CASS4: variants seen among roughly 807,000 people sequenced by gnomAD.
The protein encoded by CASS4 is cas scaffolding protein family member 4.
A neutral mutation model predicts 54.2 loss-of-function variants in CASS4; 22 were observed. That is an observed-to-expected ratio of 0.41 (90% CI 0.29 to 0.58). CASS4 has a LOEUF of 0.58. Ranked by LOEUF, CASS4 falls within the 20% of genes least tolerant of loss-of-function variation. The pLI, the probability that CASS4 is intolerant of heterozygous loss-of-function variation, is 0.36. For synonymous variants in CASS4, 409 were observed against 391.5 expected (o/e 1.04, Z -0.53); for missense variants, 854 against 986.7 (o/e 0.87, Z 1.80).
chr20:56,447,813 A>G (rs1315454610), intron 3 of CASS4, among the ~76,000 whole-genome samples: 1 of 152,082 alleles, frequency 6.6e-6, no homozygotes, highest in Non-Finnish European at 1.5e-5. Context: ...TTGCCATGAT[A>G]GACTCCAGGA....
At chr20:56,446,503 T>G (rs1377435958) in intron 3 of CASS4, among the ~76,000 whole-genome samples, 1 of 152,238 alleles carries the variant, frequency 6.6e-6, no homozygotes. Flanking sequence ...TCACTGATTA[T>G]CTTAACATTG....
At chr20:56,456,376 T>A (rs1981296521) in intron 5 of CASS4, among the ~76,000 whole-genome samples, 1 of 93,374 alleles carries the variant, frequency 1.1e-5, no homozygotes. Context: ...ATTTCTAAAC[T>A]CTTCTTTTTT....
At chr20:56,424,309 C>T (rs1979540563) in intron 1 of CASS4, among the ~76,000 whole-genome samples, 1 of 152,202 alleles carries the variant, frequency 6.6e-6, no homozygotes, top group Non-Finnish European at 1.5e-5. Flanking sequence ...CCTGCAAATT[C>T]TTAAAGCAAG....
In CASS4 at chr20:56,452,539, G is replaced by A. The variant is rs1268203172; in HGVS notation, c.1363G>A (p.Val455Ile). The change falls in exon 5 of 6, where the codon GTC becomes ATC. Residue 455 changes from valine to isoleucine, a missense_variant. Val to Ile is a conservative substitution (Grantham distance 29). Coordinates refer to ENST00000679887, the MANE Select transcript of CASS4 (RefSeq NM_020356.4). ...TCTGCAGCACAAGGTGGTCAGCTCT[G>A]TCGCTGGCCTGATGCTCTTTGTCAG... ...MALQHKVVSSVAGLMLFVSRK... is the reference protein window; with the variant it reads ...MALQHKVVSSIAGLMLFVSRK... The A allele has an allele frequency of 1.2e-5, 19 of 1,614,050 alleles. 1 individual carries two copies. The highest frequency in any genetic ancestry group is 1.6e-4 in the Middle Eastern group (1 of 6,084).
rs1469269129 is a variant in CASS4 at position 56,437,980 on chromosome 20, A to G, written c.459+394A>G. Among the ~76,000 whole-genome samples the G allele has an allele frequency of 6.6e-6, 1 of 152,146 alleles. No individual in the cohort carries two copies. Among genetic ancestry groups the G allele is most frequent in the East Asian group, 1.9e-4 (1 of 5,184 alleles). On this transcript the variant is annotated intron_variant, in intron 2 of 5. Transcript: ENST00000679887. The surrounding 1 kb of genome is among the most constrained non-coding windows in gnomAD (Gnocchi z 4.7). Reference sequence around the variant, plus strand: ...TGGGTTCAGAGGCAAGAAGTTACACATCGCATTTAAAATGTATATTCCAGG... The same window carrying G: ...TGGGTTCAGAGGCAAGAAGTTACACGTCGCATTTAAAATGTATATTCCAGG...
chr20:56,434,186 G>T (rs922819239), intron 1 of CASS4, among the ~76,000 whole-genome samples: 1 of 152,078 alleles, frequency 6.6e-6, no homozygotes, highest in Non-Finnish European at 1.5e-5. Context: ...AGCATCCGGA[G>T]CCCTGATGGT....
intron 1 of CASS4, among the ~76,000 whole-genome samples, chr20:56,413,170 TAAA>T (rs879258639): frequency 8.1e-6 from 1 of 124,188 alleles, no homozygotes; most frequent in African/African-American, 3.1e-5. Context: ...GACCCCATCT[TAAA>T]AAAAAAAAAA....
intron 1 of CASS4, among the ~76,000 whole-genome samples, chr20:56,429,971 G>A (rs1475894595): frequency 6.6e-6 from 1 of 152,024 alleles, no homozygotes; most frequent in Admixed American, 6.6e-5. Flanking sequence ...TTTCTGTGAT[G>A]ATTTGATTAG....
chr20:56,449,944 GA>G (rs1237151928), intron 3 of CASS4, among the ~76,000 whole-genome samples: 1 of 151,764 alleles, frequency 6.6e-6, no homozygotes. Context: ...TTAATTTTAA[GA>G]TGAACTCAAG....
At chr20:56,428,914 AC>A (rs1569141328) in intron 1 of CASS4, among the ~76,000 whole-genome samples, 1 of 142,886 alleles carries the variant, frequency 7.0e-6, no homozygotes, top group South Asian at 2.5e-4. Context: ...CAATCAGTGT[AC>A]CCCCCGACCT....
chr20:56,419,283 A>G (rs1180992754), intron 1 of CASS4, among the ~76,000 whole-genome samples: 1 of 152,206 alleles, frequency 6.6e-6, no homozygotes, highest in African/African-American at 2.4e-5. Flanking sequence ...ATTTTTTAGG[A>G]ACCATTTCCA....
intron 1 of CASS4, among the ~76,000 whole-genome samples, chr20:56,434,153 A>G (rs2146277920): frequency 6.6e-6 from 1 of 152,254 alleles, no homozygotes; most frequent in Middle Eastern, 3.4e-3. Context: ...AATTGATTGA[A>G]CTTTGCTGGA....
intron 1 of CASS4, among the ~76,000 whole-genome samples, 196 bp from the exon 2 acceptor site, chr20:56,436,968 G>T (rs1001161649): frequency 1.3e-5 from 2 of 152,184 alleles, no homozygotes; most frequent in African/African-American, 4.8e-5. Flanking sequence ...CTGCCCTGAG[G>T]ATGTGACATT....
intron 5 of CASS4, chr20:56,453,452 TCAC>T (rs1981139930): frequency 4.9e-6 from 1 of 205,316 alleles, no homozygotes; most frequent in African/African-American, 2.3e-5. Context: ...TTTTAAAACC[TCAC>T]CACCAAGTCT....
At chr20:56,417,748 A>G (rs1979213453) in intron 1 of CASS4, among the ~76,000 whole-genome samples, 1 of 152,230 alleles carries the variant, frequency 6.6e-6, no homozygotes, top group Admixed American at 6.5e-5. Context: ...CTTTCTAGTC[A>G]GCAGGTGTTT....
intron 3 of CASS4, among the ~76,000 whole-genome samples, chr20:56,448,936 A>G (rs1334658895): frequency 6.6e-6 from 1 of 152,094 alleles, no homozygotes; most frequent in Non-Finnish European, 1.5e-5. Context: ...TTAGAATGGC[A>G]ATCATTAAAA....
intron 1 of CASS4, among the ~76,000 whole-genome samples, chr20:56,429,215 A>G (rs1248335256): frequency 6.6e-6 from 1 of 152,130 alleles, no homozygotes; most frequent in Non-Finnish European, 1.5e-5. Context: ...TTATACCACC[A>G]TGGATGATGA....
At chr20:56,413,430 T>G (rs1978977262) in intron 1 of CASS4, among the ~76,000 whole-genome samples, 3 of 151,898 alleles carry the variant, frequency 2.0e-5, no homozygotes, top group Admixed American at 6.6e-5. Flanking sequence ...CCCAGCACTT[T>G]GGGAGGCCAA....
intron 1 of CASS4, among the ~76,000 whole-genome samples, chr20:56,432,296 T>G (rs1395441256): frequency 6.6e-6 from 1 of 152,004 alleles, no homozygotes; most frequent in Non-Finnish European, 1.5e-5. Flanking sequence ...TGAACGGCAA[T>G]TATTTGTCTA....
Sources: gnomAD v4.1 joint callset for allele counts (sites outside exome capture counted in the v4.1 genomes callset) on GRCh38, gnomAD v4.1.1 for gene constraint, Gnocchi (gnomAD v3.1) non-coding constraint, MANE v1.5 for transcripts, NCBI Gene and HGNC (gene_info 2026-07-23, HGNC 2026-07-21) for gene names.